The following QSER1 variants were observed in gnomAD, a reference collection of about 807,000 sequenced individuals.
The protein encoded by QSER1 is glutamine and serine-rich protein 1.
In QSER1, 49 loss-of-function variants were observed where a neutral mutation model predicts 158.5. The observed-to-expected ratio is 0.31, with a 90% confidence interval of 0.25 to 0.39. The LOEUF is 0.39. Among genes scored for constraint, QSER1 ranks in the 10% least tolerant of loss-of-function variants. QSER1 has a pLI of 1.00. For missense variants in QSER1, 1,754 were observed against 2,010.3 expected (o/e 0.87, Z 2.44); for synonymous variants, 650 against 715.5 (o/e 0.91, Z 1.46).
chr11:32,914,765 G>A (rs1364670131), intron 1 of QSER1, among the ~76,000 whole-genome samples: 1 of 152,158 alleles, frequency 6.6e-6, no homozygotes, highest in Non-Finnish European at 1.5e-5. Flanking sequence ...CACTGCATGA[G>A]TGGACATTTT....
At chr11:32,915,254 AGTGAC>A (rs1851817453) in intron 1 of QSER1, among the ~76,000 whole-genome samples, 1 of 152,186 alleles carries the variant, frequency 6.6e-6, no homozygotes, top group Non-Finnish European at 1.5e-5. Context: ...AAAATGTGAC[AGTGAC>A]GGAAAGAAGA....
intron 8 of QSER1, among the ~76,000 whole-genome samples, chr11:32,963,594 A>G (rs1034634639): frequency 6.6e-6 from 1 of 151,008 alleles, no homozygotes; most frequent in Non-Finnish European, 1.5e-5. Context: ...TTCGTGATCC[A>G]CCCGCCTCGG....
intron 1 of QSER1, among the ~76,000 whole-genome samples, chr11:32,896,581 G>A (rs1851558412): frequency 6.6e-6 from 1 of 152,072 alleles, no homozygotes; most frequent in African/African-American, 2.4e-5. Flanking sequence ...TAGAGATGGG[G>A]TTTCACTACA....
chr11:32,964,321 G>T (rs1047848624), intron 8 of QSER1, among the ~76,000 whole-genome samples: 2 of 152,052 alleles, frequency 1.3e-5, no homozygotes, highest in Non-Finnish European at 2.9e-5. Flanking sequence ...CAAATACATG[G>T]TAGTGAGTGA....
intron 1 of QSER1, among the ~76,000 whole-genome samples, chr11:32,903,160 T>C (rs1851646544): frequency 6.6e-6 from 1 of 152,118 alleles, no homozygotes; most frequent in Non-Finnish European, 1.5e-5. Context: ...ATTAGAATCA[T>C]TTTCCCAGAG....
intron 4 of QSER1, 37 bp downstream of exon 4, chr11:32,935,472 T>C: frequency 7.1e-7 from 1 of 1,414,966 alleles, no homozygotes; most frequent in Non-Finnish European, 9.4e-7. Flanking sequence ...ATTATTACTT[T>C]CTTCTATTTT....
At chr11:32,961,771 G>A (rs1433168732) in intron 8 of QSER1, among the ~76,000 whole-genome samples, 1 of 152,052 alleles carries the variant, frequency 6.6e-6, no homozygotes, top group East Asian at 1.9e-4. Flanking sequence ...TTCTGTGTCT[G>A]GCTTCTTTCA....
chr11:32,963,356 C>A (rs1852662378), intron 8 of QSER1, among the ~76,000 whole-genome samples: 1 of 151,758 alleles, frequency 6.6e-6, no homozygotes, highest in Non-Finnish European at 1.5e-5. Context: ...TGCCCAGGCT[C>A]TGTTTGTTTG....
At chr11:32,968,613 A>T (rs1017170629) in intron 9 of QSER1, among the ~76,000 whole-genome samples, 2 of 152,078 alleles carry the variant, frequency 1.3e-5, no homozygotes, top group African/African-American at 4.8e-5. Context: ...TCCCTTGGTC[A>T]TACTCAGTGT....
chr11:32,896,398 A>G (rs554260960), intron 1 of QSER1, among the ~76,000 whole-genome samples: 3 of 152,256 alleles, frequency 2.0e-5, no homozygotes, highest in Admixed American at 2.0e-4. Context: ...CTTGTTGCCC[A>G]GGCTGGAGTG....
chr11:32,963,874 C>T (rs1258200214), intron 8 of QSER1, among the ~76,000 whole-genome samples: 1 of 151,986 alleles, frequency 6.6e-6, no homozygotes, highest in Non-Finnish European at 1.5e-5. Flanking sequence ...ACTATGTTGC[C>T]CAAGCTAGTT....
chr11:32,928,908 C>T (rs994809478), intron 3 of QSER1, among the ~76,000 whole-genome samples: 2 of 151,842 alleles, frequency 1.3e-5, no homozygotes, highest in Non-Finnish European at 2.9e-5. Context: ...TATTTTAAAA[C>T]ATAGCTTTAT....
At chr11:32,908,753 A>G (rs964659501) in intron 1 of QSER1, among the ~76,000 whole-genome samples, 1 of 152,206 alleles carries the variant, frequency 6.6e-6, no homozygotes, top group East Asian at 1.9e-4. Context: ...TTGTATGAAC[A>G]TGTTTCCGGT....
chr11:32,896,180 AG>A (rs1434217298), intron 1 of QSER1, among the ~76,000 whole-genome samples: 1 of 152,196 alleles, frequency 6.6e-6, no homozygotes. Flanking sequence ...GGAAATAAGA[AG>A]GTCATCAAGA....
At chr11:32,928,241 T>C (rs1434695869) in intron 3 of QSER1, 118 bp downstream of exon 3, 2 of 645,674 alleles carry the variant, frequency 3.1e-6, no homozygotes, top group East Asian at 5.5e-5. Context: ...TCCACTGAAC[T>C]TTAAGACCTG....
chr11:32,935,800 A>T (rs919449960), intron 4 of QSER1, among the ~76,000 whole-genome samples: 20 of 152,356 alleles, frequency 1.3e-4, no homozygotes, highest in African/African-American at 4.8e-4. Context: ...ACATTTTATT[A>T]TTAAATATGG....
intron 4 of QSER1, among the ~76,000 whole-genome samples, chr11:32,946,108 C>G (rs1301783017): frequency 6.6e-6 from 1 of 152,086 alleles, no homozygotes; most frequent in African/African-American, 2.4e-5. Context: ...AAGCACTTCT[C>G]TGTATTGGTT....
At chr11:32,954,545 A>G (rs1852479347) in intron 5 of QSER1, among the ~76,000 whole-genome samples, 2 of 152,236 alleles carry the variant, frequency 1.3e-5, no homozygotes, top group African/African-American at 2.4e-5. Context: ...ATCATGTAAA[A>G]GTAGAATTAG....
At position 32,932,742 on chromosome 11, in the gene QSER1, T is replaced by G; in HGVS notation, c.1484T>G (p.Val495Gly). Residue 495 changes from valine to glycine, a missense_variant, in exon 4 of 13, where the codon GTT becomes GGT. By Grantham distance (109) the Val-to-Gly change is moderately radical. This residue lies in a region of QSER1 where 1,707 missense variants were observed against 1,919.6 expected (regional missense o/e 0.89). Transcript: ENST00000650167. Reference sequence around the variant, plus strand: ...TCACAGGTTTATAGGTCCAGCAAGGTTGAGAAATTGCCACCCTTGTATAAA... The same window carrying G: ...TCACAGGTTTATAGGTCCAGCAAGGGTGAGAAATTGCCACCCTTGTATAAA... ...VHSQVYRSSK[V>G]EKLPPLYKTL... The G allele has an allele frequency of 6.2e-7, 1 of 1,614,146 alleles. No individual in the cohort carries two copies. The highest frequency in any genetic ancestry group is 8.5e-7 in the Non-Finnish European group (1 of 1,180,010).
Sources: allele counts gnomAD v4.1 joint callset (sites outside exome capture counted in the v4.1 genomes callset), GRCh38; gene constraint gnomAD v4.1.1; regional missense constraint gnomAD v4.1.1; transcripts MANE v1.5; gene names NCBI Gene and HGNC (gene_info 2026-07-23, HGNC 2026-07-21).